The following SLC9B1 variants were observed in gnomAD, a reference collection of about 807,000 sequenced individuals.
SLC9B1 encodes the protein sodium/hydrogen exchanger 9B1.
A neutral mutation model predicts 51.7 loss-of-function variants in SLC9B1; 32 were observed. The observed-to-expected ratio is 0.62, with a 90% CI of 0.47 to 0.83. The LOEUF is 0.83. Among genes scored for constraint, SLC9B1 ranks in the 40% least tolerant of loss-of-function variants. SLC9B1 has a pLI of 0.00. For synonymous variants in SLC9B1, 145 were observed against 212.7 expected (o/e 0.68, Z 2.77); for missense variants, 406 against 613.2 (o/e 0.66, Z 3.57).
chr4:103,019,548 G>C, intron 1 of SLC9B1, 51 bp downstream of exon 1: 1 of 981,882 alleles, frequency 1.0e-6, no homozygotes, highest in Non-Finnish European at 1.2e-6. Flanking sequence ...GCAGACCCGG[G>C]ACTAGCGCCA....
chr4:102,975,997 TTTAGAAG>T (rs1433625225), intron 3 of SLC9B1, among the ~76,000 whole-genome samples: 1 of 151,960 alleles, frequency 6.6e-6, no homozygotes, highest in Non-Finnish European at 1.5e-5. Context: ...ATATTTGGTA[TTTAGAAG>T]TTAGGAAAAG....
At chr4:103,018,614 C>T (rs964440349) in intron 1 of SLC9B1, among the ~76,000 whole-genome samples, 2 of 152,048 alleles carry the variant, frequency 1.3e-5, no homozygotes, top group African/African-American at 2.4e-5. Flanking sequence ...GGCCAGTTGT[C>T]TCCCCACATC....
intron 3 of SLC9B1, among the ~76,000 whole-genome samples, chr4:102,960,707 T>G (rs1738060711): frequency 6.6e-6 from 1 of 152,108 alleles, no homozygotes; most frequent in African/African-American, 2.4e-5. Flanking sequence ...TAAGAAATTT[T>G]CATTAAGCTT....
intron 3 of SLC9B1, among the ~76,000 whole-genome samples, chr4:102,961,067 T>C (rs1241460994): frequency 6.6e-6 from 1 of 152,164 alleles, no homozygotes; most frequent in Non-Finnish European, 1.5e-5. Flanking sequence ...TCAAAATTGG[T>C]ATTTCTCTAT....
intron 3 of SLC9B1, among the ~76,000 whole-genome samples, chr4:102,976,613 TG>T (rs1376351445): frequency 6.6e-6 from 1 of 152,102 alleles, no homozygotes; most frequent in Admixed American, 6.6e-5. Flanking sequence ...CTGGAAAATC[TG>T]GAAAAAAATC....
In SLC9B1 at chr4:103,012,970, T is replaced by C. The variant is rs536523266; in HGVS notation, c.-2+6629A>G. Among the ~76,000 whole-genome samples the C allele has an allele frequency of 2.0e-5, 3 of 152,292 alleles. No individual in the cohort carries two copies. In the East Asian group the frequency reaches 5.8e-4, roughly 29 times the overall value. ...GCCTCACCTCTTAATATTGTTGCAT[T>C]GGAGATTAAGTTTCAGCATGAATTT... On this transcript the variant is annotated intron_variant, in intron 1 of 11. Coordinates refer to ENST00000296422, the MANE Select transcript of SLC9B1 (RefSeq NM_139173.4).
At chr4:102,924,484 G>C (rs575005155) in intron 7 of SLC9B1, among the ~76,000 whole-genome samples, 11 of 152,154 alleles carry the variant, frequency 7.2e-5, no homozygotes, top group Non-Finnish European at 1.2e-4. Context: ...TACCATTCAG[G>C]CCATAGGCAT....
chr4:102,909,096 G>A (rs1376446158), intron 9 of SLC9B1, among the ~76,000 whole-genome samples: 1 of 152,132 alleles, frequency 6.6e-6, no homozygotes, highest in African/African-American at 2.4e-5. Flanking sequence ...ATATTTTTGT[G>A]CACTGTTGGC....
chr4:102,895,074 G>C (rs1000657367), intron 11 of SLC9B1, among the ~76,000 whole-genome samples: 20 of 152,092 alleles, frequency 1.3e-4, no homozygotes, highest in African/African-American at 4.8e-4. Flanking sequence ...TCAGAAAATT[G>C]TTCCAAAAAA....
chr4:102,900,666 T>C (rs373483701), downstream of SLC9B1, among the ~76,000 whole-genome samples: 1 of 152,164 alleles, frequency 6.6e-6, no homozygotes, highest in Non-Finnish European at 1.5e-5. Context: ...ATGTGTTTTA[T>C]TCCTTTTCTT....
At chr4:102,917,907 A>G (rs1251353579) in intron 7 of SLC9B1, among the ~76,000 whole-genome samples, 1 of 151,868 alleles carries the variant, frequency 6.6e-6, no homozygotes, top group African/African-American at 2.4e-5. Flanking sequence ...TGTCACTACT[A>G]AAAAATACAA....
At chr4:102,957,247 C>A (rs1246176250) in intron 3 of SLC9B1, among the ~76,000 whole-genome samples, 1 of 151,998 alleles carries the variant, frequency 6.6e-6, no homozygotes, top group Non-Finnish European at 1.5e-5. Context: ...GATAAGAGGG[C>A]AGAAAAATAT....
intron 1 of SLC9B1, among the ~76,000 whole-genome samples, chr4:103,003,218 C>T (rs576889394): frequency 1.3e-5 from 2 of 152,176 alleles, no homozygotes; most frequent in East Asian, 3.9e-4. Context: ...AAGGAAAGAC[C>T]ACACTAAAAC....
At chr4:102,906,438 G>A (rs796531122) in intron 10 of SLC9B1, 98 bp downstream of exon 10, 27 of 633,930 alleles carry the variant, frequency 4.3e-5, no homozygotes, top group Middle Eastern at 4.8e-4. Flanking sequence ...GAAGAAGGTC[G>A]TTGTAGCCAA....
intron 3 of SLC9B1, among the ~76,000 whole-genome samples, chr4:102,959,668 C>T (rs1260730771): frequency 6.6e-6 from 1 of 152,262 alleles, no homozygotes; most frequent in Non-Finnish European, 1.5e-5. Flanking sequence ...GTGAGCGGAT[C>T]GCTGACAGGA....
intron 5 of SLC9B1, 46 bp from the exon 6 acceptor site, chr4:102,945,366 C>T (rs113197475): frequency 2.0e-6 from 3 of 1,474,384 alleles, no homozygotes; most frequent in South Asian, 1.5e-5. Flanking sequence ...CAATGGCCAA[C>T]AAGAAAATTA....
chr4:102,981,380 T>A (rs1467785431), intron 3 of SLC9B1, among the ~76,000 whole-genome samples: 1 of 152,126 alleles, frequency 6.6e-6, no homozygotes, highest in African/African-American at 2.4e-5. Context: ...AGGAGTGTAA[T>A]TGCTGGATTG....
At chr4:102,937,337 G>A (rs111989234) in intron 6 of SLC9B1, among the ~76,000 whole-genome samples, 15,873 of 144,800 alleles carry the variant, frequency 0.11, 959 homozygotes, top group Admixed American at 0.16. Context: ...TCCCAACCTC[G>A]TGATCTGCCC....
chr4:102,958,739 G>A (rs1176944170), intron 3 of SLC9B1, among the ~76,000 whole-genome samples: 1 of 152,194 alleles, frequency 6.6e-6, no homozygotes, highest in East Asian at 1.9e-4. Context: ...TGGCTAACAT[G>A]GTGAAACCCC....
Sources: gnomAD v4.1 joint callset for allele counts (sites outside exome capture counted in the v4.1 genomes callset) on GRCh38, gnomAD v4.1.1 for gene constraint, MANE v1.5 for transcripts, NCBI Gene and HGNC (gene_info 2026-07-23, HGNC 2026-07-21) for gene names.